Variants in PHACTR1 observed in about 807,000 individuals in gnomAD.
The protein encoded by PHACTR1 is phosphatase and actin regulator 1.
A neutral mutation model predicts 69.2 loss-of-function variants in PHACTR1; 16 were observed. The ratio of observed to expected loss-of-function variants is 0.23; its 90% CI spans 0.16 to 0.35. The LOEUF (loss-of-function observed/expected upper bound fraction) is 0.35. Ranked by LOEUF, PHACTR1 falls within the 10% of genes least tolerant of loss-of-function variation. The probability of loss-of-function intolerance (pLI) is 1.00; values close to 1 mark genes in which losing one functional copy is unlikely to be tolerated. For missense variants in PHACTR1, 510 were observed against 734.7 expected, an observed-to-expected ratio of 0.69 and a Z score of 3.54; for synonymous variants, 312 against 284.5, an observed-to-expected ratio of 1.10 and a Z score of -0.97.
intron 3 of PHACTR1, among the ~76,000 whole-genome samples, chr6:12,722,280 G>A (rs550597672): frequency 1.3e-5 from 2 of 152,298 alleles, no homozygotes; most frequent in East Asian, 3.9e-4. Context: ...AGATGTAAAT[G>A]TTTTTAAAGG....
rs769734980 is a variant in PHACTR1 at position 13,053,423 on chromosome 6, C to G, written c.309C>G (p.His103Gln). Residue 103 changes from histidine (H) to glutamine (Q), a missense_variant, in exon 5 of 15, where the codon CAC becomes CAG. Around this residue, in one of 2 missense-constraint regions of PHACTR1, gnomAD observed 419 missense variants for 530.9 expected, o/e 0.79. Transcript: ENST00000332995. ...MRSDSLVPGT[H>Q]TPPIRRRSKF... ...CTGACTCCCTCGTCCCAGGCACCCA[C>G]ACCCCACCCATCCGCAGGAGAAGTA... is the stretch of plus-strand genomic sequence containing the variant. 1.2e-6 allele frequency: 2 copies of G among 1,613,736 alleles called. No individual in the cohort carries two copies. The highest frequency in any genetic ancestry group is 1.7e-6 in the Non-Finnish European group (2 of 1,179,786).
At chr6:12,991,942 CTTTT>C (rs758565773) in intron 4 of PHACTR1, among the ~76,000 whole-genome samples, 2 of 144,534 alleles carry the variant, frequency 1.4e-5, no homozygotes, top group African/African-American at 2.5e-5. Context: ...GTTTCTGTGT[CTTTT>C]TTTTTTTTTA....
At chr6:13,134,158 G>T (rs1428405221) in intron 5 of PHACTR1, among the ~76,000 whole-genome samples, 1 of 151,640 alleles carries the variant, frequency 6.6e-6, no homozygotes, top group Non-Finnish European at 1.5e-5. Flanking sequence ...CCTCCAGGAG[G>T]TGGGGGGCAG....
intron 4 of PHACTR1, among the ~76,000 whole-genome samples, chr6:13,013,862 C>T (rs1310317691): frequency 1.4e-5 from 2 of 147,936 alleles, no homozygotes; most frequent in Non-Finnish European, 3.0e-5. Flanking sequence ...GGAGCAGCGC[C>T]CGGCCCCGGG....
intron 5 of PHACTR1, among the ~76,000 whole-genome samples, chr6:13,080,470 A>AC (rs1811201151): frequency 6.6e-6 from 1 of 152,188 alleles, no homozygotes; most frequent in South Asian, 2.1e-4. Context: ...AACCAACTAA[A>AC]CCAATGGTGC....
chr6:13,232,995 G>A (rs527598630), intron 10 of PHACTR1, among the ~76,000 whole-genome samples: 1 of 152,342 alleles, frequency 6.6e-6, no homozygotes, highest in East Asian at 1.9e-4. Context: ...CTGCCCCAGT[G>A]ACCTCTTCTG....
intron 4 of PHACTR1, among the ~76,000 whole-genome samples, chr6:13,002,330 T>C (rs1354825727): frequency 6.6e-6 from 1 of 152,212 alleles, no homozygotes; most frequent in Non-Finnish European, 1.5e-5. Context: ...TGGTTAGCAG[T>C]TACAAATATT....
intron 4 of PHACTR1, among the ~76,000 whole-genome samples, chr6:12,991,643 G>T (rs1435818350): frequency 6.6e-6 from 1 of 152,112 alleles, no homozygotes; most frequent in African/African-American, 2.4e-5. Context: ...TCAGCATTTT[G>T]TTGCCATATG....
At chr6:12,786,307 C>A (rs551243801) in intron 4 of PHACTR1, among the ~76,000 whole-genome samples, 1 of 152,270 alleles carries the variant, frequency 6.6e-6, no homozygotes, top group South Asian at 2.1e-4. Flanking sequence ...TGTATACATC[C>A]AGCATTACAA....
chr6:12,727,773 A>G (rs1470262685), intron 3 of PHACTR1, among the ~76,000 whole-genome samples: 1 of 152,186 alleles, frequency 6.6e-6, no homozygotes, highest in Admixed American at 6.5e-5. Flanking sequence ...TGCTAGCAGA[A>G]GAAAGGATAG....
At chr6:13,025,637 T>C (rs921661749) in intron 4 of PHACTR1, among the ~76,000 whole-genome samples, 2 of 151,440 alleles carry the variant, frequency 1.3e-5, no homozygotes, top group Non-Finnish European at 2.9e-5. Context: ...ACCTGTGATG[T>C]AAGTCAGGCA....
chr6:12,897,003 A>T (rs1374082818), intron 4 of PHACTR1, among the ~76,000 whole-genome samples: 10 of 152,224 alleles, frequency 6.6e-5, no homozygotes, highest in Admixed American at 5.9e-4. Flanking sequence ...TGTCACAAAG[A>T]GTTCCACCTA....
rs530655062 is a variant in PHACTR1 at position 12,909,203 on chromosome 6, C to T, written c.251-144162C>T. ...ACTTTTTCAGTCATTTCATGTCATA[C>T]TCTTGCCCATCTCCCCACCATTTGG... On this transcript the variant is annotated intron_variant, in intron 4 of 14. Transcript: ENST00000332995. Among the ~76,000 whole-genome samples the T allele has an allele frequency of 1.5e-4, 23 of 152,302 alleles. No individual in the cohort carries two copies. The South Asian group carries it at 2.5e-3, about 16-fold the overall frequency.
intron 5 of PHACTR1, among the ~76,000 whole-genome samples, chr6:13,119,509 A>G (rs1192937627): frequency 6.6e-6 from 1 of 152,106 alleles, no homozygotes; most frequent in African/African-American, 2.4e-5. Context: ...GCTGTTCCCT[A>G]AGAAGGCCTC....
chr6:12,851,922 C>G (rs1449787849), intron 4 of PHACTR1, among the ~76,000 whole-genome samples: 1 of 152,136 alleles, frequency 6.6e-6, no homozygotes, highest in Non-Finnish European at 1.5e-5. Context: ...GCAACCTCCA[C>G]CTCCTGGGTT....
intron 10 of PHACTR1, among the ~76,000 whole-genome samples, chr6:13,251,244 G>A (rs542194168): frequency 9.2e-5 from 14 of 152,308 alleles, no homozygotes; most frequent in African/African-American, 2.6e-4. Flanking sequence ...ATAGGCGGGC[G>A]CTCTCCTAGA....
chr6:12,893,675 C>G (rs1487061075), intron 4 of PHACTR1, among the ~76,000 whole-genome samples: 2 of 97,786 alleles, frequency 2.0e-5, no homozygotes, highest in Non-Finnish European at 4.1e-5. Context: ...TCAGACTGAC[C>G]AAAGGCAAGA....
chr6:12,986,938 G>A (rs1796256110), intron 4 of PHACTR1, among the ~76,000 whole-genome samples: 1 of 152,190 alleles, frequency 6.6e-6, no homozygotes, highest in Non-Finnish European at 1.5e-5. Flanking sequence ...GATGCTAATA[G>A]GGGCTACCTC....
At chr6:12,719,647 A>G (rs1761852113) in intron 3 of PHACTR1, among the ~76,000 whole-genome samples, 1 of 152,248 alleles carries the variant, frequency 6.6e-6, no homozygotes, top group South Asian at 2.1e-4. Flanking sequence ...AAAATAGAAA[A>G]GCAGTTGAAT....
Sources: gnomAD v4.1 joint callset for allele counts (sites outside exome capture counted in the v4.1 genomes callset) on GRCh38, gnomAD v4.1.1 for gene constraint, gnomAD v4.1.1 regional missense constraint, MANE v1.5 for transcripts, NCBI Gene and HGNC (gene_info 2026-07-23, HGNC 2026-07-21) for gene names.